ADAMTSL1: variants seen among roughly 807,000 people sequenced by gnomAD.
The protein encoded by ADAMTSL1 is ADAMTS like 1.
In ADAMTSL1, 126 loss-of-function variants were observed where a neutral mutation model predicts 201.8. The ratio of observed to expected loss-of-function variants is 0.62; its 90% CI spans 0.54 to 0.72. The LOEUF (loss-of-function observed/expected upper bound fraction) is 0.72, where lower values mean the gene tolerates loss of function less well. Among genes scored for constraint, ADAMTSL1 ranks in the 30% least tolerant of loss-of-function variants. ADAMTSL1 has a pLI of 0.00. For synonymous variants in ADAMTSL1, 1,121 were observed against 903.4 expected, an observed-to-expected ratio of 1.24 and a Z score of -4.32; for missense variants, 2,679 against 2,277.8, an observed-to-expected ratio of 1.18 and a Z score of -3.59.
chr9:17,926,621 A>G (rs1826545692), intron 1 of ADAMTSL1, among the ~76,000 whole-genome samples: 1 of 152,214 alleles, frequency 6.6e-6, no homozygotes, highest in Non-Finnish European at 1.5e-5. Context: ...ATCTCCTGCC[A>G]ATGGTTAAAA....
chr9:18,202,894 C>A (rs972819544), intron 2 of ADAMTSL1, among the ~76,000 whole-genome samples: 1 of 152,016 alleles, frequency 6.6e-6, no homozygotes, highest in African/African-American at 2.4e-5. Flanking sequence ...AGAGCTCTTT[C>A]CAGAGTGCTC....
intron 2 of ADAMTSL1, among the ~76,000 whole-genome samples, chr9:18,334,198 A>T (rs1835140245): frequency 6.6e-6 from 1 of 152,152 alleles, no homozygotes; most frequent in Admixed American, 6.5e-5. Flanking sequence ...TGTGTGCCTA[A>T]ATGGTCTGCC....
chr9:18,555,306 C>G (rs1027756114), intron 3 of ADAMTSL1, among the ~76,000 whole-genome samples: 2 of 151,970 alleles, frequency 1.3e-5, no homozygotes, highest in Non-Finnish European at 2.9e-5. Context: ...CCATCAACTT[C>G]CTCTCTGGAT....
chr9:18,572,194 C>CA (rs1219703564), intron 3 of ADAMTSL1, among the ~76,000 whole-genome samples: 2,262 of 91,576 alleles, frequency 0.025, 40 homozygotes, highest in African/African-American at 0.066. Context: ...GACTCCTTGT[C>CA]AAAAAAAAAA....
At position 18,892,385 on chromosome 9, in the gene ADAMTSL1, C is replaced by T; in HGVS notation, c.4644-4C>T. 2 of 1,610,722 alleles carry T rather than the reference C, an allele frequency of 1.2e-6. No individual in the cohort carries two copies. Among genetic ancestry groups the T allele is most frequent in the African/African-American group, 1.3e-5 (1 of 74,996 alleles). ...GCTCTCCTGACACTTCTTCCTCTCC[C>T]CAGGTGGATGGTGACCTCCTGGTCT... On this transcript the variant is annotated splice_region_variant and splice_polypyrimidine_tract_variant and intron_variant, in intron 25 of 28. Transcript: ENST00000380548.
At chr9:18,447,900 G>T (rs1054184962) in intron 2 of ADAMTSL1, among the ~76,000 whole-genome samples, 5 of 152,196 alleles carry the variant, frequency 3.3e-5, no homozygotes, top group Non-Finnish European at 7.3e-5. Context: ...ACACATGGTT[G>T]TGCATTTGTG....
At chr9:18,439,195 G>T (rs1340803817) in intron 2 of ADAMTSL1, among the ~76,000 whole-genome samples, 1 of 152,056 alleles carries the variant, frequency 6.6e-6, no homozygotes, top group African/African-American at 2.4e-5. Flanking sequence ...TCATGGTCTA[G>T]AAACAAATCA....
intron 7 of ADAMTSL1, among the ~76,000 whole-genome samples, chr9:18,643,334 T>C (rs919702953): frequency 6.6e-6 from 1 of 152,042 alleles, no homozygotes; most frequent in Admixed American, 6.6e-5. Flanking sequence ...TTATCAGAAG[T>C]GTGATTTGCA....
chr9:18,717,913 A>G (rs1833055957), intron 14 of ADAMTSL1: 1 of 1,108,038 alleles, frequency 9.0e-7, no homozygotes, highest in Admixed American at 1.7e-5. Context: ...GAGTGTTGGC[A>G]CTATTGAATT....
rs79738716 is a variant in ADAMTSL1 at position 18,080,734 on chromosome 9, A to G, written c.88-83128A>G. 4.7e-3 allele frequency among the ~76,000 whole-genome samples: 721 copies of G among 152,356 alleles called. 5 individuals carry two copies. The highest frequency in any genetic ancestry group is 0.017 in the African/African-American group (690 of 41,586). On this transcript the variant is annotated intron_variant, in intron 1 of 29. Coordinates refer to the ADAMTSL1 transcript ENST00000680146. ...AAAACACCAATTAAGGCCTAGAGGC[A>G]CTAAGTGATTTGCCTAAGTAGTATT... is the stretch of plus-strand genomic sequence containing the variant.
At chr9:18,580,660 T>G (rs1289501208) in intron 4 of ADAMTSL1, among the ~76,000 whole-genome samples, 1 of 152,230 alleles carries the variant, frequency 6.6e-6, no homozygotes, top group Non-Finnish European at 1.5e-5. Flanking sequence ...GGATATAAAA[T>G]TGATTAAGAT....
At chr9:18,603,368 ATG>A (rs1824790357) in intron 4 of ADAMTSL1, among the ~76,000 whole-genome samples, 2 of 151,316 alleles carry the variant, frequency 1.3e-5, no homozygotes, top group African/African-American at 4.8e-5. Flanking sequence ...ATGCTATGCT[ATG>A]CTATGCTATG....
intron 1 of ADAMTSL1, among the ~76,000 whole-genome samples, chr9:17,976,352 G>A (rs530658906): frequency 2.6e-5 from 4 of 151,858 alleles, no homozygotes; most frequent in South Asian, 2.1e-4. Context: ...CTTCCAATTC[G>A]TGAACATGGG....
chr9:18,632,217 T>C (rs1450414013), intron 5 of ADAMTSL1, among the ~76,000 whole-genome samples: 1 of 152,220 alleles, frequency 6.6e-6, no homozygotes, highest in Non-Finnish European at 1.5e-5. Flanking sequence ...CATCTTCCAA[T>C]CCATCCCAAA....
intron 2 of ADAMTSL1, among the ~76,000 whole-genome samples, chr9:18,247,873 A>G (rs2132476936): frequency 6.6e-6 from 1 of 152,308 alleles, no homozygotes; most frequent in Middle Eastern, 3.4e-3. Context: ...TGCCTGGTAT[A>G]TATATGTATA....
At position 18,776,850 on chromosome 9, in the gene ADAMTSL1, G is replaced by C. The variant is rs1463723451; in HGVS notation, c.2621G>C (p.Arg874Pro). The change falls in exon 19 of 29, where the codon CGC becomes CCC. Residue 874 changes from arginine (R) to proline (P), a missense_variant. Transcript: ENST00000380548. ...GCCAGGAAGGTCTACATACAGACTC[G>C]CAGGCAGAGGAAGCTGCACTTCGTG... Reference protein sequence around the residue: ...AAARKVYIQTRRQRKLHFVVG... With the variant: ...AAARKVYIQTPRQRKLHFVVG... The C allele has an allele frequency of 4.4e-6, 7 of 1,604,514 alleles. No homozygotes were observed. The Admixed American group carries it at 5.1e-5, about 12-fold the overall frequency.
chr9:18,273,732 T>C (rs1330371404), intron 2 of ADAMTSL1, among the ~76,000 whole-genome samples: 9 of 152,206 alleles, frequency 5.9e-5, no homozygotes, highest in Admixed American at 5.9e-4. Flanking sequence ...ATGCCAACCA[T>C]GTGGTCAACT....
At chr9:18,595,824 G>A (rs976641204) in intron 4 of ADAMTSL1, among the ~76,000 whole-genome samples, 1 of 152,204 alleles carries the variant, frequency 6.6e-6, no homozygotes, top group Non-Finnish European at 1.5e-5. Context: ...TCAGGGACTG[G>A]GCTGTTTCTG....
chr9:18,228,104 C>T (rs1830497646), intron 2 of ADAMTSL1, among the ~76,000 whole-genome samples: 1 of 152,288 alleles, frequency 6.6e-6, no homozygotes, highest in South Asian at 2.1e-4. Flanking sequence ...GACTGCACAA[C>T]AATGCATGCA....
Sources: allele counts gnomAD v4.1 joint callset (sites outside exome capture counted in the v4.1 genomes callset), GRCh38; gene constraint gnomAD v4.1.1; transcripts MANE v1.5; gene names NCBI Gene and HGNC (gene_info 2026-07-23, HGNC 2026-07-21).